RGS6: variants seen among roughly 807,000 people sequenced by gnomAD.
RGS6 encodes the protein regulator of G protein signaling 6, also known as regulator of G-protein signaling 6.
In RGS6, 30 loss-of-function variants were observed where a neutral mutation model predicts 78.5. The ratio of observed to expected loss-of-function variants is 0.38; its 90% CI spans 0.29 to 0.52. The LOEUF is 0.52. Ranked by LOEUF, RGS6 falls within the 20% of genes least tolerant of loss-of-function variation. RGS6 has a pLI of 0.85. For missense variants in RGS6, 495 were observed against 609.7 expected (o/e 0.81, Z 1.98); for synonymous variants, 206 against 206.0 (o/e 1.00, Z 0.00).
rs542373556 is a variant in RGS6 at position 71,934,027 on chromosome 14, G to T, written c.-21+1086G>T. ...ACATATCAATTTTCATAGGCAAATA[G>T]GTAATTACATAGAGTGGGAACTGGG... On this transcript the variant is annotated intron_variant, in intron 1 of 17. Coordinates refer to ENST00000553525, the MANE Select transcript of RGS6 (RefSeq NM_001204424.2). Among the ~76,000 whole-genome samples, 14 of 152,252 alleles carry T rather than the reference G, an allele frequency of 9.2e-5. No individual in the cohort carries two copies. The South Asian group carries it at 2.9e-3, about 32-fold the overall frequency.
intron 2 of RGS6, among the ~76,000 whole-genome samples, chr14:71,981,491 A>G (rs2094448884): frequency 6.6e-6 from 1 of 151,766 alleles, no homozygotes; most frequent in African/African-American, 2.4e-5. Flanking sequence ...CAGGACCCTC[A>G]GCTGCAGGTC....
chr14:72,332,092 C>T (rs533267005), intron 2 of RGS6, among the ~76,000 whole-genome samples: 1 of 152,274 alleles, frequency 6.6e-6, no homozygotes, highest in African/African-American at 2.4e-5. Flanking sequence ...CACTGTTGAG[C>T]CCAAGTTCCT....
the RGS6 span, among the ~76,000 whole-genome samples, chr14:71,881,605 G>A: frequency 6.6e-6 from 1 of 152,210 alleles, no homozygotes; most frequent in African/African-American, 2.4e-5. Flanking sequence ...CTGCCACCAT[G>A]TGAGACGTGC....
chr14:72,116,524 C>T (rs965844132), intron 2 of RGS6, among the ~76,000 whole-genome samples: 4 of 151,456 alleles, frequency 2.6e-5, no homozygotes, highest in Admixed American at 6.6e-5. Context: ...CATCCCCATC[C>T]CCGCTGCAGT....
intron 2 of RGS6, among the ~76,000 whole-genome samples, chr14:72,227,323 C>A (rs1326493223): frequency 1.3e-5 from 2 of 152,146 alleles, no homozygotes; most frequent in African/African-American, 4.8e-5. Flanking sequence ...CCGTGTTGCC[C>A]AGGCTGGACT....
intron 13 of RGS6, among the ~76,000 whole-genome samples, chr14:72,504,661 C>A (rs749386898): frequency 5.3e-4 from 80 of 151,964 alleles, no homozygotes; most frequent in Non-Finnish European, 9.0e-4. Flanking sequence ...TCTGAGCCCT[C>A]GCCAGAATAT....
At chr14:72,011,000 T>A (rs989258559) in intron 2 of RGS6, among the ~76,000 whole-genome samples, 2 of 152,238 alleles carry the variant, frequency 1.3e-5, no homozygotes, top group African/African-American at 4.8e-5. Context: ...AAAACCGCAA[T>A]ACTTTTGCAC....
At chr14:72,448,866 A>G (rs1045704027) in intron 3 of RGS6, among the ~76,000 whole-genome samples, 2 of 152,226 alleles carry the variant, frequency 1.3e-5, no homozygotes, top group African/African-American at 4.8e-5. Flanking sequence ...CATCAGTAGT[A>G]GCCTGTGGTC....
chr14:72,044,550 A>G (rs575955073), intron 2 of RGS6, among the ~76,000 whole-genome samples: 1 of 151,932 alleles, frequency 6.6e-6, no homozygotes, highest in Non-Finnish European at 1.5e-5. Flanking sequence ...TGAGACATTC[A>G]TCTGCTTCTG....
At chr14:71,876,559 C>T in the RGS6 span, among the ~76,000 whole-genome samples, 1 of 121,308 alleles carries the variant, frequency 8.2e-6, no homozygotes, top group Non-Finnish European at 1.6e-5. Flanking sequence ...TATTTTGAGC[C>T]TATGTATGTC....
chr14:72,382,853 C>A (rs1221145857), intron 3 of RGS6, among the ~76,000 whole-genome samples: 2 of 152,000 alleles, frequency 1.3e-5, no homozygotes, highest in Non-Finnish European at 2.9e-5. Flanking sequence ...AGTTTAAAAT[C>A]AGGCAAAAGT....
intron 2 of RGS6, among the ~76,000 whole-genome samples, chr14:72,339,022 A>G (rs1203145330): frequency 6.6e-6 from 1 of 152,240 alleles, no homozygotes; most frequent in Non-Finnish European, 1.5e-5. Context: ...ATCCTTTAGA[A>G]TTGATAAAAA....
intron 3 of RGS6, among the ~76,000 whole-genome samples, chr14:72,377,002 G>A (rs1294809381): frequency 6.6e-6 from 1 of 151,908 alleles, no homozygotes; most frequent in Non-Finnish European, 1.5e-5. Context: ...AAGGAACAAA[G>A]GATATACAAA....
intron 2 of RGS6, among the ~76,000 whole-genome samples, chr14:72,131,968 C>G (rs914628976): frequency 3.3e-5 from 5 of 152,166 alleles, no homozygotes; most frequent in African/African-American, 2.4e-5. Flanking sequence ...TCTTCATGAA[C>G]TACTCCAGAG....
At chr14:72,227,763 T>C (rs2048468898) in intron 2 of RGS6, among the ~76,000 whole-genome samples, 1 of 152,200 alleles carries the variant, frequency 6.6e-6, no homozygotes, top group East Asian at 1.9e-4. Context: ...CTAGCTAAAC[T>C]GTGGCATATA....
chr14:72,001,514 AC>A (rs1345713168), intron 2 of RGS6, among the ~76,000 whole-genome samples: 1 of 111,716 alleles, frequency 9.0e-6, no homozygotes, highest in Non-Finnish European at 2.0e-5. Context: ...ACACACACAC[AC>A]ACACACAACG....
intron 2 of RGS6, among the ~76,000 whole-genome samples, chr14:72,131,286 T>C (rs1241753436): frequency 1.3e-5 from 2 of 152,228 alleles, no homozygotes; most frequent in Non-Finnish European, 2.9e-5. Context: ...TGGAGGTTCC[T>C]CTGGGATTTC....
chr14:72,590,427 G>A, the RGS6 span, among the ~76,000 whole-genome samples: 4 of 152,220 alleles, frequency 2.6e-5, no homozygotes, highest in East Asian at 3.9e-4. Flanking sequence ...ATTGTGGCTC[G>A]TTCATATAGT....
chr14:72,064,748 C>T (rs888883911), intron 2 of RGS6, among the ~76,000 whole-genome samples: 2 of 152,114 alleles, frequency 1.3e-5, no homozygotes, highest in Admixed American at 1.3e-4. Context: ...TTTGAGAGAT[C>T]GTTGGATAGA....
Sources: gnomAD v4.1 joint callset for allele counts (sites outside exome capture counted in the v4.1 genomes callset) on GRCh38, gnomAD v4.1.1 for gene constraint, MANE v1.5 for transcripts, NCBI Gene and HGNC (gene_info 2026-07-23, HGNC 2026-07-21) for gene names.